The following RORA variants were observed in gnomAD, a reference collection of about 807,000 sequenced individuals.
RORA encodes the protein RAR related orphan receptor A, also known as nuclear receptor ROR-alpha.
In RORA, 7 loss-of-function variants were observed where a neutral mutation model predicts 69.5. The observed-to-expected ratio is 0.10, with a 90% CI of 0.06 to 0.19. The LOEUF is 0.19. RORA is among the 10% of genes least tolerant of loss of function. The probability of loss-of-function intolerance (pLI) is 1.00; values close to 1 mark genes in which losing one functional copy is unlikely to be tolerated. For synonymous variants in RORA, 261 were observed against 240.8 expected (o/e 1.08, Z -0.78); for missense variants, 457 against 663.0 (o/e 0.69, Z 3.41).
At chr15:60,551,465 T>C (rs984252864) in intron 2 of RORA, among the ~76,000 whole-genome samples, 1 of 152,134 alleles carries the variant, frequency 6.6e-6, no homozygotes, top group African/African-American at 2.4e-5. Flanking sequence ...AGTTTGGGAG[T>C]ACAAAGAGCC....
Position 60,502,742 on chromosome 15 carries a change from A to AGG in RORA, c.1183+17_1183+18insCC. 1 of 1,460,946 alleles carries AGG rather than the reference A, an allele frequency of 6.8e-7. No homozygotes were observed. The highest frequency in any genetic ancestry group is 9.6e-7 in the Non-Finnish European group (1 of 1,041,434). 90.5% of individuals were successfully genotyped at this position (1,460,946 alleles called of 1,614,324 possible). ...TATAGCCCTGATTTGAAGAAAAGGC[A>AGG]CCTTGATATCCCCTTACCTAAGGAT... is the stretch of plus-strand genomic sequence containing the variant. On this transcript the variant is annotated intron_variant, in intron 8 of 10. Transcript: ENST00000335670.
intron 1 of RORA, among the ~76,000 whole-genome samples, chr15:61,103,230 A>G (rs2078905429): frequency 6.6e-6 from 1 of 152,164 alleles, no homozygotes; most frequent in Admixed American, 6.5e-5. Context: ...GGAACTTGGC[A>G]GTGGAGGATG....
chr15:61,165,104 T>C (rs1374289361), intron 1 of RORA, among the ~76,000 whole-genome samples: 1 of 152,220 alleles, frequency 6.6e-6, no homozygotes, highest in African/African-American at 2.4e-5. Context: ...ATAAACTGCG[T>C]AATTGTGAAA....
intron 2 of RORA, among the ~76,000 whole-genome samples, chr15:60,549,299 G>A (rs547226194): frequency 2.1e-3 from 320 of 152,300 alleles, no homozygotes; most frequent in Non-Finnish European, 3.9e-3. Context: ...TAGGTAGCGA[G>A]CAAGTGTTGG....
chr15:61,022,913 G>A (rs924725279), intron 1 of RORA, among the ~76,000 whole-genome samples: 4 of 151,942 alleles, frequency 2.6e-5, no homozygotes, highest in African/African-American at 4.8e-5. Context: ...GGCCGGGCAC[G>A]GTGGCCCACA....
At chr15:60,615,088 CTGG>C (rs1389026682) in intron 2 of RORA, 2 of 1,579,104 alleles carry the variant, frequency 1.3e-6, no homozygotes, top group African/African-American at 2.7e-5. Flanking sequence ...TTCCTAGAAC[CTGG>C]TGGTGGATCA....
chr15:61,109,663 T>C lies in RORA; in HGVS notation c.166+119390A>G, dbSNP rs186588719. 3.3e-4 allele frequency among the ~76,000 whole-genome samples: 51 copies of C among 152,384 alleles called. No individual in the cohort carries two copies. The East Asian group carries it at 8.9e-3, about 26-fold the overall frequency. On this transcript the variant is annotated intron_variant, in intron 1 of 10. Coordinates refer to ENST00000335670, the MANE Select transcript of RORA (RefSeq NM_134261.3). The stretch of plus-strand genomic sequence containing the variant: ...ACCTAAAAAGAAATCTAAGATGCTT[T>C]TGCCTGTGGCACATGCAGAATAGTA...
intron 1 of RORA, among the ~76,000 whole-genome samples, chr15:60,997,776 C>T (rs1365417595): frequency 2.0e-5 from 3 of 152,182 alleles, no homozygotes; most frequent in African/African-American, 4.8e-5. Flanking sequence ...CACATTTTCT[C>T]CCATCTGGAC....
chr15:60,658,829 G>A (rs1367320847), intron 2 of RORA, among the ~76,000 whole-genome samples: 1 of 152,180 alleles, frequency 6.6e-6, no homozygotes, highest in Non-Finnish European at 1.5e-5. Flanking sequence ...CAATTGTGAT[G>A]TTTGGAATTT....
In RORA at chr15:60,531,838, A is replaced by T; in HGVS notation, c.210T>A (p.Ile70=). 1 of 1,593,852 alleles carries T rather than the reference A, an allele frequency of 6.3e-7. No individual in the cohort carries two copies. The highest frequency in any genetic ancestry group is 1.2e-5 in the South Asian group (1 of 86,744). Residue 70 remains isoleucine, a synonymous_variant, in exon 3 of 11, where the codon ATT becomes ATA. Coordinates refer to ENST00000335670, the MANE Select transcript of RORA (RefSeq NM_134261.3). The surrounding 1 kb of genome is among the most constrained non-coding windows in gnomAD (Gnocchi z 4.8). ...TKKTHTSQIE[I]IPCKICGDKS... Reference sequence around the variant, plus strand: ...TGTCTCCACAGATCTTGCATGGAATAATTTCAATTTGAGCTGCAACAGAAG... The same window carrying T: ...TGTCTCCACAGATCTTGCATGGAATTATTTCAATTTGAGCTGCAACAGAAG...
intron 3 of RORA, among the ~76,000 whole-genome samples, chr15:60,515,269 C>G (rs1221471628): frequency 1.3e-5 from 2 of 152,216 alleles, no homozygotes; most frequent in African/African-American, 2.4e-5. Context: ...TTTCTCACTC[C>G]CCAAGTCTGA....
chr15:61,002,686 C>T (rs559199093), intron 1 of RORA, among the ~76,000 whole-genome samples: 6 of 152,128 alleles, frequency 3.9e-5, no homozygotes, highest in African/African-American at 7.2e-5. Context: ...CAAATCATGC[C>T]GCTTTAGGGT....
intron 1 of RORA, among the ~76,000 whole-genome samples, chr15:60,776,274 C>T (rs192685222): frequency 2.8e-4 from 43 of 152,348 alleles, no homozygotes; most frequent in Non-Finnish European, 4.1e-4. Flanking sequence ...TTCTGTGGTT[C>T]CCACCTCACT....
intron 2 of RORA, chr15:60,592,319 T>TGCGCGCCCACCCCTCCCCCA: frequency 8.5e-7 from 1 of 1,177,012 alleles, no homozygotes; most frequent in Non-Finnish European, 1.1e-6. Flanking sequence ...CCCCTCCCCC[T>TGCGCGCCCACCCCTCCCCCA]GCGCGCCCTC....
chr15:60,522,071 A>G (rs2066186075), intron 3 of RORA, among the ~76,000 whole-genome samples: 1 of 152,218 alleles, frequency 6.6e-6, no homozygotes, highest in Non-Finnish European at 1.5e-5. Flanking sequence ...GGCTCATACC[A>G]GGTTGCAAGA....
At chr15:60,701,728 T>C (rs1259047863) in intron 1 of RORA, among the ~76,000 whole-genome samples, 1 of 152,136 alleles carries the variant, frequency 6.6e-6, no homozygotes, top group East Asian at 1.9e-4. Context: ...GCTGTTTCTA[T>C]AGGAGAGAGA....
intron 1 of RORA, among the ~76,000 whole-genome samples, chr15:61,035,543 T>C (rs953028698): frequency 6.6e-6 from 1 of 152,198 alleles, no homozygotes; most frequent in Non-Finnish European, 1.5e-5. Flanking sequence ...ACTCCTGGAC[T>C]GCAGGGAGGT....
At chr15:61,154,005 G>T (rs536919229) in intron 1 of RORA, among the ~76,000 whole-genome samples, 3 of 152,140 alleles carry the variant, frequency 2.0e-5, no homozygotes, top group Non-Finnish European at 2.9e-5. Flanking sequence ...GAAGCAGGTG[G>T]TTCTGCTTGA....
At chr15:61,195,664 T>C (rs953110695) in intron 1 of RORA, among the ~76,000 whole-genome samples, 2 of 152,190 alleles carry the variant, frequency 1.3e-5, no homozygotes, top group Non-Finnish European at 2.9e-5. Flanking sequence ...GTCCAAATTT[T>C]CATCCTTCCA....
Sources: allele counts gnomAD v4.1 joint callset (sites outside exome capture counted in the v4.1 genomes callset), GRCh38; gene constraint gnomAD v4.1.1; non-coding constraint Gnocchi (gnomAD v3.1); transcripts MANE v1.5; gene names NCBI Gene and HGNC (gene_info 2026-07-23, HGNC 2026-07-21).